SEPTIN2: variants seen among roughly 807,000 people sequenced by gnomAD.
The protein encoded by SEPTIN2 is septin-2.
In SEPTIN2, 34 loss-of-function variants were observed where a neutral mutation model predicts 46.5. That is an observed-to-expected ratio of 0.73 (90% CI 0.56 to 0.97). The LOEUF is 0.97. Ranked by LOEUF, SEPTIN2 falls within the 50% of genes least tolerant of loss-of-function variation. The probability of loss-of-function intolerance (pLI) is 0.00; values close to 1 mark genes in which losing one functional copy is unlikely to be tolerated. For synonymous variants in SEPTIN2, 175 were observed against 153.4 expected (o/e 1.14, Z -1.04); for missense variants, 347 against 448.4 (o/e 0.77, Z 2.04).
intron 1 of SEPTIN2, 67 bp downstream of exon 1, chr2:241,316,049 GCGCCGCTCGTCCCATA>G (rs2076140124): frequency 6.5e-6 from 1 of 154,944 alleles, no homozygotes; most frequent in African/African-American, 2.4e-5. Context: ...TGCGGGGGAC[GCGCCGCTCGTCCCATA>G]CTCTCGGGCG....
intron 7 of SEPTIN2, among the ~76,000 whole-genome samples, chr2:241,338,975 T>C (rs2080840616): frequency 1.8e-5 from 2 of 108,456 alleles, no homozygotes; most frequent in South Asian, 2.4e-4. Context: ...ATAAATATAA[T>C]ATATAAATAT....
At chr2:241,325,727 T>C (rs1044621451) in intron 2 of SEPTIN2, among the ~76,000 whole-genome samples, 1 of 152,190 alleles carries the variant, frequency 6.6e-6, no homozygotes, top group Non-Finnish European at 1.5e-5. Flanking sequence ...TATTGTTAAA[T>C]TCCTAAACAG....
In SEPTIN2 at chr2:241,339,814, C is replaced by A. The variant is rs1213367837; in HGVS notation, c.594+2024C>A. Among the ~76,000 whole-genome samples the A allele has an allele frequency of 7.2e-5, 11 of 152,262 alleles. No homozygotes were observed. The East Asian group carries it at 7.7e-4, about 11-fold the overall frequency. On this transcript the variant is annotated intron_variant, in intron 7 of 12. Transcript: ENST00000391971. ...CACACAAGATTTCACATCTCCATCC[C>A]CTGCTCTGCTGGTAGCACTCCCCCC...
intron 10 of SEPTIN2, among the ~76,000 whole-genome samples, chr2:241,347,327 T>G (rs2060346373): frequency 6.6e-6 from 1 of 152,236 alleles, no homozygotes; most frequent in Non-Finnish European, 1.5e-5. Context: ...ACATATGTTG[T>G]ACACATTGAA....
chr2:241,349,746 G>A (rs941045228), intron 11 of SEPTIN2, among the ~76,000 whole-genome samples: 1 of 151,982 alleles, frequency 6.6e-6, no homozygotes. Flanking sequence ...GCTTGAACCC[G>A]GGAGGCGGAG....
At chr2:241,330,220 C>T (rs1017143707) in intron 3 of SEPTIN2, among the ~76,000 whole-genome samples, 4 of 152,132 alleles carry the variant, frequency 2.6e-5, no homozygotes, top group African/African-American at 7.2e-5. Context: ...CTAAAAAAAT[C>T]ACCATGCCAT....
chr2:241,315,602 G>A (rs1219565326), upstream of SEPTIN2: 1 of 152,250 alleles, frequency 6.6e-6, no homozygotes, highest in Non-Finnish European at 1.5e-5. Context: ...AGAAAACCGA[G>A]CTCATAAGGT....
chr2:241,340,236 A>G (rs574099240), intron 7 of SEPTIN2, among the ~76,000 whole-genome samples: 400 of 152,122 alleles, frequency 2.6e-3, no homozygotes, highest in Non-Finnish European at 4.3e-3. Context: ...CCTTTCCTTG[A>G]TTGCCGATGT....
intron 3 of SEPTIN2, 65 bp from the exon 4 acceptor site, chr2:241,335,061 C>T: frequency 2.6e-6 from 3 of 1,150,480 alleles, no homozygotes; most frequent in South Asian, 1.3e-5. Context: ...CTTATGTAAA[C>T]ACTTAACCGA....
At chr2:241,346,396 T>C in intron 10 of SEPTIN2, 147 bp downstream of exon 10, 1 of 538,066 alleles carries the variant, frequency 1.9e-6, no homozygotes, top group Non-Finnish European at 3.3e-6. Context: ...AGTTGTTAAT[T>C]TAATCAAATT....
chr2:241,323,650 T>G (rs1268131944), intron 1 of SEPTIN2, among the ~76,000 whole-genome samples: 1 of 152,216 alleles, frequency 6.6e-6, no homozygotes, highest in Non-Finnish European at 1.5e-5. Context: ...TCACCTAAAA[T>G]AATCAAAAGG....
At chr2:241,344,401 T>G (rs1387965068) in intron 9 of SEPTIN2, among the ~76,000 whole-genome samples, 1 of 152,174 alleles carries the variant, frequency 6.6e-6, no homozygotes, top group South Asian at 2.1e-4. Flanking sequence ...TAGTCTTCTT[T>G]AAAAATGAAT....
chr2:241,336,374 C>A, intron 5 of SEPTIN2: 1 of 402,280 alleles, frequency 2.5e-6, no homozygotes. Context: ...TGGTTGGTGA[C>A]CGAGATACTG....
At chr2:241,332,351 A>G (rs2079136491) in intron 3 of SEPTIN2, among the ~76,000 whole-genome samples, 1 of 152,232 alleles carries the variant, frequency 6.6e-6, no homozygotes. Flanking sequence ...ACTTACAAAG[A>G]GGGGGCAAAA....
Position 241,342,987 on chromosome 2 carries a change from C to T in SEPTIN2, c.595-5C>T. ...AAATTGATCCTGGTTTTGTCATTCTCTCAGATTCTGGATGAAATTGAAGAA... is the reference window on the plus strand; with the variant it reads ...AAATTGATCCTGGTTTTGTCATTCTTTCAGATTCTGGATGAAATTGAAGAA... On this transcript the variant is annotated splice_polypyrimidine_tract_variant and splice_region_variant and intron_variant, in intron 7 of 12. Coordinates refer to ENST00000391971, the MANE Select transcript of SEPTIN2 (RefSeq NM_004404.5). The T allele has an allele frequency of 6.4e-7, 1 of 1,554,578 alleles. No homozygotes were observed. Among genetic ancestry groups the T allele is most frequent in the Non-Finnish European group, 8.9e-7 (1 of 1,129,826 alleles).
At chr2:241,337,921 TTAG>T (rs2080308838) in intron 7 of SEPTIN2, 131 bp downstream of exon 7, 1 of 581,330 alleles carries the variant, frequency 1.7e-6, no homozygotes, top group African/African-American at 1.9e-5. Flanking sequence ...TTCCTGCATT[TTAG>T]TGGTGGTTTT....
chr2:241,345,619 G>A (rs541761931), intron 9 of SEPTIN2, among the ~76,000 whole-genome samples: 1 of 152,198 alleles, frequency 6.6e-6, no homozygotes, highest in Non-Finnish European at 1.5e-5. Flanking sequence ...TTTTAAGAGT[G>A]CTTCATAAGA....
intron 1 of SEPTIN2, chr2:241,316,796 C>G (rs2076371156): frequency 2.6e-6 from 1 of 379,732 alleles, no homozygotes; most frequent in Non-Finnish European, 4.7e-6. Flanking sequence ...TCTTGTAGTT[C>G]AAACTTCTGC....
intron 3 of SEPTIN2, among the ~76,000 whole-genome samples, chr2:241,330,680 C>T (rs1381610902): frequency 6.6e-6 from 1 of 152,208 alleles, no homozygotes; most frequent in East Asian, 1.9e-4. Context: ...ATTTGTATTA[C>T]TCTGCTATTG....
Sources: allele counts gnomAD v4.1 joint callset (sites outside exome capture counted in the v4.1 genomes callset), GRCh38; gene constraint gnomAD v4.1.1; transcripts MANE v1.5; gene names NCBI Gene and HGNC (gene_info 2026-07-23, HGNC 2026-07-21).